EIF2D: variants seen among roughly 807,000 people sequenced by gnomAD.
The protein encoded by EIF2D is eukaryotic translation initiation factor 2D.
Under a neutral mutation model 77.4 loss-of-function variants are expected in EIF2D, and 56 were observed. That is an observed-to-expected ratio of 0.72 (90% CI 0.58 to 0.90). EIF2D has a LOEUF of 0.90. Ranked by LOEUF, EIF2D falls within the 40% of genes least tolerant of loss-of-function variation. The pLI is 0.00. For missense variants in EIF2D, 574 were observed against 706.5 expected (o/e 0.81, Z 2.13); for synonymous variants, 230 against 271.0 (o/e 0.85, Z 1.49).
intron 13 of EIF2D, 151 bp from the exon 14 acceptor site, chr1:206,593,944 C>T: frequency 1.6e-6 from 1 of 613,034 alleles, no homozygotes; most frequent in East Asian, 3.1e-5. Context: ...ATCCAAATCA[C>T]TTATTTTTGT....
intron 4 of EIF2D, among the ~76,000 whole-genome samples, chr1:206,576,679 G>C (rs954580792): frequency 7.9e-5 from 12 of 152,242 alleles, no homozygotes; most frequent in Non-Finnish European, 1.5e-4. Flanking sequence ...CTATAGACTG[G>C]AGAAATTGCA....
Position 206,584,364 on chromosome 1 carries a change from CT to C in EIF2D, c.139-3203del, listed in dbSNP as rs1394375196. 19 of 1,594,644 alleles carry C rather than the reference CT, an allele frequency of 1.2e-5. No individual in the cohort carries two copies. The highest frequency in any genetic ancestry group is 1.6e-5 in the Non-Finnish European group (19 of 1,169,590). ...ATGCAAGGCGGACGGCCCTGACCCC[CT>C]GTGACATGCCCCCGCTGGCAGAGTG... On this transcript the variant is annotated intron_variant and NMD_transcript_variant, in intron 2 of 5. Coordinates refer to the EIF2D transcript ENST00000472709. The surrounding 1 kb of genome is among the most constrained non-coding windows in gnomAD (Gnocchi z 4.9).
At chr1:206,573,054 G>C in intron 4 of EIF2D, among the ~76,000 whole-genome samples, 1 of 152,342 alleles carries the variant, frequency 6.6e-6, no homozygotes, top group Non-Finnish European at 1.5e-5. Context: ...TGATAATTTG[G>C]ATGATGACGC....
intron 4 of EIF2D, among the ~76,000 whole-genome samples, chr1:206,577,683 C>G (rs782464389): frequency 7.2e-5 from 11 of 152,226 alleles, no homozygotes; most frequent in Non-Finnish European, 1.5e-4. Flanking sequence ...GTGGGTGCTT[C>G]TCTCACAGAA....
downstream of EIF2D, among the ~76,000 whole-genome samples, chr1:206,569,411 C>A (rs1275504538): frequency 3.9e-5 from 6 of 152,186 alleles, no homozygotes; most frequent in African/African-American, 1.4e-4. Flanking sequence ...CAGGTAGCAA[C>A]CCTCAGAGAG....
At chr1:206,595,684 AC>A (rs1669613093) in intron 13 of EIF2D, 33 bp downstream of exon 13, 1 of 1,603,692 alleles carries the variant, frequency 6.2e-7, no homozygotes, top group African/African-American at 1.3e-5. Context: ...ACATTAAATC[AC>A]TATCCTTGAA....
chr1:206,612,401 G>A lies in EIF2D; in HGVS notation c.-59C>T, dbSNP rs1266024034. 6.2e-7 allele frequency: 1 copy of A among 1,609,284 alleles called. No homozygotes were observed. Among genetic ancestry groups the A allele is most frequent in the Non-Finnish European group, 8.5e-7 (1 of 1,175,710 alleles). ...AAGCCAGGGAATGTCAAGAAAGCGAGGGCGCAGCAGCTGCCAGGCCCTCAG... is the reference window on the plus strand; with the variant it reads ...AAGCCAGGGAATGTCAAGAAAGCGAAGGCGCAGCAGCTGCCAGGCCCTCAG... On this transcript the variant is annotated 5_prime_UTR_variant, in exon 1 of 15. Transcript: ENST00000271764.
At chr1:206,570,017 C>T (rs1668397032), downstream of EIF2D, among the ~76,000 whole-genome samples, 1 of 151,828 alleles carries the variant, frequency 6.6e-6, no homozygotes, top group African/African-American at 2.4e-5. Context: ...ACATGGCCTC[C>T]AGGTTTCCCC....
intron 2 of EIF2D, 133 bp from the exon 3 acceptor site, chr1:206,609,592 G>T (rs1334214879): frequency 1.8e-5 from 12 of 661,038 alleles, no homozygotes; most frequent in Non-Finnish European, 2.7e-5. Context: ...AGAGAAGGTT[G>T]TAAGGGGATG....
chr1:206,586,410 G>A (rs528490579), intron 2 of EIF2D: 38 of 167,998 alleles, frequency 2.3e-4, no homozygotes, highest in South Asian at 7.4e-4. Context: ...AGCTGTGCTC[G>A]AGGTCACACT....
At chr1:206,606,949 T>C (rs368178588) in intron 4 of EIF2D, among the ~76,000 whole-genome samples, 1 of 152,194 alleles carries the variant, frequency 6.6e-6, no homozygotes, top group East Asian at 1.9e-4. Flanking sequence ...AAAATACACA[T>C]GATCTTCAAC....
chr1:206,583,409 C>T, intron 2 of EIF2D: 1 of 1,455,918 alleles, frequency 6.9e-7, no homozygotes, highest in Non-Finnish European at 9.7e-7. Flanking sequence ...CAACCTGGCC[C>T]CTGCTCCACC....
At chr1:206,601,629 C>T (rs1669922892) in intron 7 of EIF2D, 6 of 152,032 alleles carry the variant, frequency 3.9e-5, no homozygotes, top group Admixed American at 2.6e-4. Flanking sequence ...AATAAGCAAA[C>T]CTCCTGACAT....
At position 206,593,637 on chromosome 1, in the gene EIF2D, G is replaced by C; in HGVS notation, c.1666C>G (p.Leu556Val). Reference sequence around the variant, plus strand: ...TGCTCACCAAGCAATAGCCAGCCGAGGTGGTGGACCTGGTTTCCCTGGATC... The same window carrying C: ...TGCTCACCAAGCAATAGCCAGCCGACGTGGTGGACCTGGTTTCCCTGGATC... Reference protein sequence around the residue: ...VQIQGNQVHHLGWLLLEEYQL... With the variant: ...VQIQGNQVHHVGWLLLEEYQL... Residue 556 changes from leucine (L) to valine (V), a missense_variant, in exon 14 of 15, where the codon CTC becomes GTC. Leu to Val is a conservative substitution (Grantham distance 32). Coordinates refer to ENST00000271764, the MANE Select transcript of EIF2D (RefSeq NM_006893.3). The C allele has an allele frequency of 5.0e-6, 8 of 1,609,638 alleles. No homozygotes were observed. The highest frequency in any genetic ancestry group is 6.8e-6 in the Non-Finnish European group (8 of 1,176,522).
intron 2 of EIF2D, chr1:206,581,295 T>C (rs1930436): frequency 0.82 from 124,659 of 152,516 alleles, 51,158 homozygotes; most frequent in East Asian, 1. Flanking sequence ...AACGATGCCA[T>C]GATGGAAAGA....
intron 4 of EIF2D, among the ~76,000 whole-genome samples, chr1:206,607,964 T>C (rs1471130123): frequency 1.1e-4 from 16 of 151,508 alleles, no homozygotes; most frequent in Admixed American, 8.6e-4. Context: ...GCAACTCTTC[T>C]GTAAATCTAA....
chr1:206,577,544 C>T (rs782817524), intron 4 of EIF2D, among the ~76,000 whole-genome samples: 9 of 152,164 alleles, frequency 5.9e-5, no homozygotes, highest in Non-Finnish European at 1.3e-4. Context: ...CTGACTTTCT[C>T]AAGATCATGT....
chr1:206,604,732 CAA>C (rs11393350), intron 5 of EIF2D: 190 of 102,198 alleles, frequency 1.9e-3, no homozygotes, highest in African/African-American at 4.2e-3. Flanking sequence ...GACTCCATCT[CAA>C]AAAAAAAAAA....
intron 2 of EIF2D, among the ~76,000 whole-genome samples, chr1:206,581,905 G>A (rs1240642801): frequency 1.3e-5 from 2 of 152,044 alleles, no homozygotes; most frequent in East Asian, 3.9e-4. Flanking sequence ...TGTGTTCCGC[G>A]GGGTGGTGAT....
Sources: gnomAD v4.1 joint callset for allele counts (sites outside exome capture counted in the v4.1 genomes callset) on GRCh38, gnomAD v4.1.1 for gene constraint, Gnocchi (gnomAD v3.1) non-coding constraint, MANE v1.5 for transcripts, NCBI Gene and HGNC (gene_info 2026-07-23, HGNC 2026-07-21) for gene names.